Variants in CCDC141 observed in about 807,000 individuals in gnomAD.
The protein encoded by CCDC141 is coiled-coil domain containing 141, also known as coiled-coil domain-containing protein 141.
In CCDC141, 168 loss-of-function variants were observed where a neutral mutation model predicts 181.0. The observed-to-expected ratio is 0.93, with a 90% CI of 0.82 to 1.05. The LOEUF (loss-of-function observed/expected upper bound fraction) is 1.05, where lower values mean the gene tolerates loss of function less well. Among genes scored for constraint, CCDC141 ranks in the 50% least tolerant of loss-of-function variants. CCDC141 has a pLI of 0.00. For missense variants in CCDC141, 1,902 were observed against 1,788.5 expected (o/e 1.06, Z -1.14); for synonymous variants, 666 against 642.3 (o/e 1.04, Z -0.56).
chr2:178,977,012 A>G (rs761325801), intron 3 of CCDC141, among the ~76,000 whole-genome samples: 15 of 152,276 alleles, frequency 9.9e-5, no homozygotes, highest in South Asian at 4.1e-4. Context: ...ACTCTCTTAT[A>G]TCACTAATAA....
chr2:178,984,123 G>C (rs1691587069), intron 2 of CCDC141, among the ~76,000 whole-genome samples: 1 of 152,150 alleles, frequency 6.6e-6, no homozygotes, highest in Admixed American at 6.5e-5. Flanking sequence ...TCTCTCGGCA[G>C]AAACCCTACG....
chr2:178,938,482 T>C (rs1169898318), intron 6 of CCDC141, among the ~76,000 whole-genome samples: 1 of 152,154 alleles, frequency 6.6e-6, no homozygotes, highest in East Asian at 1.9e-4. Context: ...TTCAGTTCTT[T>C]TCCATTTGCT....
intron 2 of CCDC141, among the ~76,000 whole-genome samples, chr2:178,990,603 G>A (rs1334226888): frequency 6.9e-6 from 1 of 144,210 alleles, no homozygotes; most frequent in African/African-American, 2.5e-5. Flanking sequence ...GGGGAGGGGA[G>A]GGGAGGGAAG....
chr2:178,869,720 T>C (rs1686024026), intron 14 of CCDC141, among the ~76,000 whole-genome samples: 1 of 152,172 alleles, frequency 6.6e-6, no homozygotes, highest in Non-Finnish European at 1.5e-5. Flanking sequence ...TGTAAAAATA[T>C]ATCAGGGGAA....
At chr2:179,009,222 T>C (rs1006722276) in intron 2 of CCDC141, among the ~76,000 whole-genome samples, 1 of 152,198 alleles carries the variant, frequency 6.6e-6, no homozygotes, top group Non-Finnish European at 1.5e-5. Flanking sequence ...CTATATTTTA[T>C]ATGAGTTTCT....
At chr2:178,854,638 A>G (rs913428681) in intron 19 of CCDC141, among the ~76,000 whole-genome samples, 2 of 152,352 alleles carry the variant, frequency 1.3e-5, no homozygotes, top group South Asian at 4.1e-4. Flanking sequence ...TTGGTTTTAA[A>G]TAAGTGCCAC....
intron 23 of CCDC141, among the ~76,000 whole-genome samples, chr2:178,834,870 T>C (rs1389334679): frequency 6.6e-6 from 1 of 151,554 alleles, no homozygotes; most frequent in Non-Finnish European, 1.5e-5. Context: ...TGTTTATCTT[T>C]CAAGCAGAAG....
chr2:178,963,154 T>C (rs1690479542), intron 4 of CCDC141, among the ~76,000 whole-genome samples: 3 of 152,122 alleles, frequency 2.0e-5, no homozygotes, highest in African/African-American at 4.8e-5. Flanking sequence ...GGGTTGGAAA[T>C]TGGGGGAGCT....
chr2:178,980,380 G>A (rs1691319739), intron 2 of CCDC141, among the ~76,000 whole-genome samples: 1 of 152,116 alleles, frequency 6.6e-6, no homozygotes, highest in Non-Finnish European at 1.5e-5. Context: ...AACCCAGGAG[G>A]TGGAGCTTGC....
intron 17 of CCDC141, among the ~76,000 whole-genome samples, chr2:178,861,376 C>T (rs934100568): frequency 5.3e-5 from 8 of 152,096 alleles, no homozygotes; most frequent in Admixed American, 2.0e-4. Flanking sequence ...TGGCTCACGC[C>T]TGTAATCCCA....
intron 22 of CCDC141, among the ~76,000 whole-genome samples, chr2:178,843,251 T>C (rs1473510460): frequency 1.3e-5 from 2 of 152,162 alleles, no homozygotes; most frequent in African/African-American, 4.8e-5. Flanking sequence ...TTACACTACT[T>C]TCTGTAATTT....
downstream of CCDC141, among the ~76,000 whole-genome samples, chr2:178,828,024 G>A (rs780281210): frequency 1.1e-4 from 17 of 151,960 alleles, no homozygotes; most frequent in Non-Finnish European, 1.6e-4. Flanking sequence ...CTGTTGTCAC[G>A]TGTCATGTAC....
chr2:179,032,329 C>T (rs2043022194), intron 2 of CCDC141, among the ~76,000 whole-genome samples: 1 of 152,168 alleles, frequency 6.6e-6, no homozygotes, highest in African/African-American at 2.4e-5. Flanking sequence ...TGGTTGCTTC[C>T]ACTTTCACTA....
At chr2:178,870,792 C>A (rs1686082719) in intron 14 of CCDC141, among the ~76,000 whole-genome samples, 1 of 152,134 alleles carries the variant, frequency 6.6e-6, no homozygotes, top group South Asian at 2.1e-4. Flanking sequence ...GCATAAGAAT[C>A]CAGGCAGAAG....
chr2:178,833,041 T>A lies in CCDC141; in HGVS notation c.*1132A>T, dbSNP rs1235534844. The A allele has an allele frequency of 6.6e-6, 1 of 152,182 alleles. No homozygotes were observed. The highest frequency in any genetic ancestry group is 1.5e-5 in the Non-Finnish European group (1 of 68,042). 9.4% of individuals were successfully genotyped at this position (152,182 alleles called of 1,614,324 possible). A position where few individuals can be genotyped will look rare whatever the true frequency, so the allele number is the denominator to read the frequency against. ...CAAAATGTATCCTCCTGAGTTTAAT[T>A]TCAAGTCTTTGAAAAGAATGCAGTC... On this transcript the variant is annotated 3_prime_UTR_variant, in exon 24 of 24. Coordinates refer to ENST00000443758, the MANE Select transcript of CCDC141 (RefSeq NM_173648.4).
chr2:178,989,829 TAAAA>T lies in CCDC141; in HGVS notation c.226-11158_226-11155del, dbSNP rs71023463. On this transcript the variant is annotated intron_variant, in intron 2 of 23. Coordinates refer to ENST00000443758, the MANE Select transcript of CCDC141 (RefSeq NM_173648.4). ...ACACCCACTAGGATAGCTATAATCT[TAAAA>T]AAAAAAAAAAAAAAAAAAAAAGGAG... Among the ~76,000 whole-genome samples the T allele has an allele frequency of 1.2e-4, 10 of 81,396 alleles. No individual in the cohort carries two copies. In the East Asian group the frequency reaches 1.7e-3, roughly 14 times the overall value. 53.4% of individuals were successfully genotyped at this position (81,396 alleles called of 152,430 possible).
At chr2:179,010,481 T>C (rs573191007) in intron 2 of CCDC141, among the ~76,000 whole-genome samples, 1 of 152,244 alleles carries the variant, frequency 6.6e-6, no homozygotes, top group African/African-American at 2.4e-5. Context: ...CTAGGAGGGA[T>C]TGGGGTCCTG....
chr2:179,018,540 A>G (rs1313030228), intron 2 of CCDC141, among the ~76,000 whole-genome samples: 1 of 152,168 alleles, frequency 6.6e-6, no homozygotes, highest in Admixed American at 6.6e-5. Flanking sequence ...GAAGGATTTT[A>G]GCTAGAATGT....
chr2:178,925,496 A>T (rs764566639), intron 6 of CCDC141, among the ~76,000 whole-genome samples: 1 of 152,244 alleles, frequency 6.6e-6, no homozygotes, highest in Non-Finnish European at 1.5e-5. Context: ...TCTTCAAAAT[A>T]GTGATTGGAG....
Sources: gnomAD v4.1 joint callset for allele counts (sites outside exome capture counted in the v4.1 genomes callset) on GRCh38, gnomAD v4.1.1 for gene constraint, MANE v1.5 for transcripts, NCBI Gene and HGNC (gene_info 2026-07-23, HGNC 2026-07-21) for gene names.